PHACTR1: variants seen among roughly 807,000 people sequenced by gnomAD.
The protein encoded by PHACTR1 is RPEL repeat containing 1.
In PHACTR1, 16 loss-of-function variants were observed where a neutral mutation model predicts 69.2. That is an observed-to-expected ratio of 0.23 (90% CI 0.16 to 0.35). The LOEUF (loss-of-function observed/expected upper bound fraction) is 0.35. Among genes scored for constraint, PHACTR1 ranks in the 10% least tolerant of loss-of-function variants. PHACTR1 has a pLI of 1.00. For missense variants in PHACTR1, 510 were observed against 734.7 expected (o/e 0.69, Z 3.54); for synonymous variants, 312 against 284.5 (o/e 1.10, Z -0.97).
chr6:13,204,833 G>C (rs1765680639), intron 7 of PHACTR1, among the ~76,000 whole-genome samples: 1 of 152,214 alleles, frequency 6.6e-6, no homozygotes, highest in African/African-American at 2.4e-5. Context: ...GGGAATTAAG[G>C]TTGGCAGCAG....
chr6:12,752,867 T>G (rs187391107), intron 4 of PHACTR1, among the ~76,000 whole-genome samples: 4 of 152,390 alleles, frequency 2.6e-5, no homozygotes, highest in African/African-American at 9.6e-5. Context: ...ATTTCAAGTT[T>G]CAGCTAAAAT....
At chr6:12,867,986 A>G (rs1012301870) in intron 4 of PHACTR1, among the ~76,000 whole-genome samples, 4 of 152,168 alleles carry the variant, frequency 2.6e-5, no homozygotes, top group South Asian at 2.1e-4. Context: ...AAGGCCAGGT[A>G]CGGTGGCTCA....
intron 5 of PHACTR1, among the ~76,000 whole-genome samples, chr6:13,112,724 G>A (rs1004443357): frequency 3.9e-5 from 6 of 151,988 alleles, no homozygotes; most frequent in Admixed American, 1.3e-4. Context: ...TAATGAGGTT[G>A]TTTTGTTTTT....
At position 12,931,645 on chromosome 6, in the gene PHACTR1, G is replaced by A. The variant is rs150398461; in HGVS notation, c.251-121720G>A. ...GGGATGACTGCTCACGTCAGCATCC[G>A]GGGACTTTAATTAAACAGCGGTGAT... On this transcript the variant is annotated intron_variant, in intron 4 of 14. Transcript: ENST00000332995. Among the ~76,000 whole-genome samples the A allele has an allele frequency of 2.6e-4, 39 of 151,984 alleles. No homozygotes were observed. The East Asian group carries it at 5.6e-3, about 22-fold the overall frequency.
intron 4 of PHACTR1, chr6:12,957,961 C>CA (rs1172641523): frequency 6.1e-6 from 6 of 985,156 alleles, no homozygotes; most frequent in Non-Finnish European, 7.2e-6. Flanking sequence ...TAAGAAAGCA[C>CA]AGCTATTGGA....
chr6:12,789,673 C>T (rs1771992185), intron 4 of PHACTR1, among the ~76,000 whole-genome samples: 1 of 151,956 alleles, frequency 6.6e-6, no homozygotes, highest in Non-Finnish European at 1.5e-5. Context: ...CCATCCCAGT[C>T]GATGGCTACT....
chr6:12,775,911 A>C (rs1400861225), intron 4 of PHACTR1, among the ~76,000 whole-genome samples: 1 of 152,198 alleles, frequency 6.6e-6, no homozygotes, highest in African/African-American at 2.4e-5. Flanking sequence ...TACTTTATTT[A>C]ATAATGATTT....
At chr6:12,779,238 G>A (rs1033185057) in intron 4 of PHACTR1, among the ~76,000 whole-genome samples, 3 of 152,188 alleles carry the variant, frequency 2.0e-5, no homozygotes, top group African/African-American at 7.2e-5. Context: ...GCAAGGCTGA[G>A]GCAGGAGAAT....
At chr6:13,235,804 G>A (rs953329641) in intron 10 of PHACTR1, among the ~76,000 whole-genome samples, 4 of 152,186 alleles carry the variant, frequency 2.6e-5, no homozygotes, top group African/African-American at 9.7e-5. Flanking sequence ...CTAGGGAACG[G>A]CTAGCTCTTC....
rs58555118 is a variant in PHACTR1 at position 13,073,225 on chromosome 6, C to CAAAAAAAA, written c.415+19699_415+19706dup. Among the ~76,000 whole-genome samples the CAAAAAAAA allele has an allele frequency of 1.7e-5, 2 of 119,704 alleles. 1 individual carries two copies. The highest frequency in any genetic ancestry group is 7.0e-5 in the African/African-American group (2 of 28,444). The allele number at this position is 119,704 out of a possible 152,430, so 78.5% of individuals were successfully genotyped here. A position where few individuals can be genotyped will look rare whatever the true frequency, so the allele number is the denominator to read the frequency against. ...AAATGGTATCTGATAACAGGATTAA[C>CAAAAAAAA]AAAAAAAAAAGAAAATACTTGAGGA... On this transcript the variant is annotated intron_variant, in intron 5 of 14. Coordinates refer to ENST00000332995, the MANE Select transcript of PHACTR1 (RefSeq NM_030948.6).
intron 4 of PHACTR1, among the ~76,000 whole-genome samples, chr6:12,827,465 A>T (rs886602109): frequency 4.6e-5 from 7 of 152,212 alleles, no homozygotes; most frequent in Admixed American, 4.6e-4. Context: ...TAAGTAATAC[A>T]GCTCTGCTTA....
chr6:12,863,610 A>C (rs1781152970), intron 4 of PHACTR1, among the ~76,000 whole-genome samples: 1 of 152,240 alleles, frequency 6.6e-6, no homozygotes, highest in African/African-American at 2.4e-5. Flanking sequence ...AAAGGCCAGG[A>C]TCTGATCACA....
chr6:13,181,268 G>A (rs750723161), intron 6 of PHACTR1, among the ~76,000 whole-genome samples: 2 of 151,978 alleles, frequency 1.3e-5, no homozygotes, highest in Non-Finnish European at 2.9e-5. Context: ...AACTAGAGGT[G>A]GAACATAGCA....
intron 4 of PHACTR1, among the ~76,000 whole-genome samples, chr6:12,757,741 C>A (rs374911760): frequency 2.0e-5 from 3 of 152,058 alleles, no homozygotes; most frequent in Non-Finnish European, 4.4e-5. Context: ...TTTGGGGGCA[C>A]GGAGGATTGG....
At chr6:12,894,710 A>G (rs1460832753) in intron 4 of PHACTR1, among the ~76,000 whole-genome samples, 2 of 152,232 alleles carry the variant, frequency 1.3e-5, no homozygotes, top group Admixed American at 1.3e-4. Flanking sequence ...TAAGTCACTT[A>G]ACATGTTTCT....
intron 8 of PHACTR1, among the ~76,000 whole-genome samples, chr6:13,223,450 T>C (rs1306969617): frequency 6.6e-6 from 1 of 152,186 alleles, no homozygotes; most frequent in African/African-American, 2.4e-5. Context: ...GGCCTGGTCA[T>C]GGCAGGGTAG....
intron 4 of PHACTR1, among the ~76,000 whole-genome samples, chr6:12,831,241 C>T (rs565484364): frequency 2.0e-5 from 3 of 152,270 alleles, no homozygotes; most frequent in Admixed American, 1.3e-4. Context: ...ATTGAAATTA[C>T]GATGCATTTT....
chr6:12,846,325 T>G (rs968670161), intron 4 of PHACTR1, among the ~76,000 whole-genome samples: 1 of 152,240 alleles, frequency 6.6e-6, no homozygotes, highest in Admixed American at 6.5e-5. Flanking sequence ...TGGAAAATTT[T>G]AAGTTGGTAC....
chr6:12,823,060 A>G (rs1776397008), intron 4 of PHACTR1, among the ~76,000 whole-genome samples: 1 of 152,218 alleles, frequency 6.6e-6, no homozygotes, highest in Non-Finnish European at 1.5e-5. Context: ...TGATTAGAAA[A>G]GGATTATATA....
Sources: gnomAD v4.1 joint callset for allele counts (sites outside exome capture counted in the v4.1 genomes callset) on GRCh38, gnomAD v4.1.1 for gene constraint, MANE v1.5 for transcripts, NCBI Gene and HGNC (gene_info 2026-07-23, HGNC 2026-07-21) for gene names.